The following RGPD3 variants were observed in gnomAD, a reference collection of about 807,000 sequenced individuals.
RGPD3 encodes the protein ranBP2-like and GRIP domain-containing protein 3.
RGPD3 carries 62 observed loss-of-function variants against 154.5 expected under a neutral mutation model. The ratio of observed to expected loss-of-function variants is 0.40; its 90% CI spans 0.33 to 0.50. The LOEUF (loss-of-function observed/expected upper bound fraction) is 0.50. RGPD3 is among the 20% of genes least tolerant of loss of function. The probability of loss-of-function intolerance (pLI) is 0.59; values close to 1 mark genes in which losing one functional copy is unlikely to be tolerated. For missense variants in RGPD3, 919 were observed against 1,716.8 expected (o/e 0.54, Z 8.21); for synonymous variants, 308 against 607.0 (o/e 0.51, Z 7.24).
At chr2:106,468,161 G>A in intron 1 of RGPD3, 56 bp downstream of exon 1, 2 of 1,542,884 alleles carry the variant, frequency 1.3e-6, no homozygotes, top group Non-Finnish European at 8.8e-7. Context: ...GCCGGGCCGG[G>A]TCGAGGCCGC....
chr2:106,427,026 G>T (rs1171914013), intron 18 of RGPD3, among the ~76,000 whole-genome samples: 24 of 151,522 alleles, frequency 1.6e-4, no homozygotes, highest in African/African-American at 5.1e-4. Context: ...CTTGCAAGAT[G>T]TCTGTCTGCA....
rs1401758012 is a variant in RGPD3, at chr2:106,467,736, G to A, written c.72+481C>T. 5.4e-5 allele frequency among the ~76,000 whole-genome samples: 7 copies of A among 129,436 alleles called. No homozygotes were observed. In the East Asian group the frequency reaches 1.2e-3, roughly 22 times the overall value. 84.9% of individuals were successfully genotyped at this position (129,436 alleles called of 152,430 possible). On this transcript the variant is annotated intron_variant, in intron 1 of 22. Coordinates refer to ENST00000409886, the MANE Select transcript of RGPD3 (RefSeq NM_001144013.2). ...GTCGAGGCCGCCGCCTCAACAGAGC[G>A]CGCCAGGGAGCAGCGCCCGTCGGGA... is the stretch of plus-strand genomic sequence containing the variant.
chr2:106,467,825 C>G (rs1355795194), intron 1 of RGPD3, among the ~76,000 whole-genome samples: 1 of 137,516 alleles, frequency 7.3e-6, no homozygotes, highest in Non-Finnish European at 1.6e-5. Flanking sequence ...CTCAACAGAG[C>G]GCGCCAGGGA....
chr2:106,411,988 G>A (rs1426185195), intron 22 of RGPD3, among the ~76,000 whole-genome samples: 1 of 149,056 alleles, frequency 6.7e-6, no homozygotes, highest in Admixed American at 6.8e-5. Context: ...TTATTCACTG[G>A]GGAAAGAAAT....
At chr2:106,420,952 TTACA>T (rs1558837152) in intron 20 of RGPD3, among the ~76,000 whole-genome samples, 1 of 152,102 alleles carries the variant, frequency 6.6e-6, no homozygotes, top group Non-Finnish European at 1.5e-5. Flanking sequence ...CAATTTTAAA[TTACA>T]TACACAGGTT....
At chr2:106,449,231 G>A (rs1678033188) in intron 6 of RGPD3, among the ~76,000 whole-genome samples, 1 of 150,116 alleles carries the variant, frequency 6.7e-6, no homozygotes, top group African/African-American at 2.5e-5. Context: ...TTGGGAGGCT[G>A]AGGCGGGTGG....
chr2:106,468,490 T>G, upstream of RGPD3: 16 of 1,052,866 alleles, frequency 1.5e-5, no homozygotes, highest in South Asian at 2.4e-4. Flanking sequence ...GGCTGGGCTC[T>G]TGGCAGCACC....
At chr2:106,460,266 C>G (rs1159795058) in intron 1 of RGPD3, among the ~76,000 whole-genome samples, 1 of 147,986 alleles carries the variant, frequency 6.8e-6, no homozygotes, top group Non-Finnish European at 1.5e-5. Flanking sequence ...TCTCACTTAA[C>G]AAACAAAAGA....
chr2:106,448,971 C>A (rs953844490), intron 6 of RGPD3, among the ~76,000 whole-genome samples: 2 of 151,184 alleles, frequency 1.3e-5, no homozygotes, highest in Non-Finnish European at 1.5e-5. Context: ...GATTACAGGG[C>A]TGAGCCACCG....
At chr2:106,444,846 C>T (rs1257500380) in intron 7 of RGPD3, among the ~76,000 whole-genome samples, 20 of 139,264 alleles carry the variant, frequency 1.4e-4, no homozygotes, top group South Asian at 4.6e-4. Flanking sequence ...GTAGGCTGTG[C>T]GCAGTAGCTC....
intron 1 of RGPD3, among the ~76,000 whole-genome samples, chr2:106,465,694 G>T (rs1678551497): frequency 6.6e-6 from 1 of 151,302 alleles, no homozygotes; most frequent in South Asian, 2.1e-4. Flanking sequence ...GTTAAAAATT[G>T]CAAGCCATAC....
intron 1 of RGPD3, among the ~76,000 whole-genome samples, chr2:106,464,284 T>C (rs1208856985): frequency 7.0e-6 from 1 of 142,502 alleles, no homozygotes; most frequent in East Asian, 2.0e-4. Context: ...GAGTTTGCAG[T>C]GAGCCGAGAT....
chr2:106,435,536 G>A (rs1677518318), intron 12 of RGPD3, among the ~76,000 whole-genome samples: 1 of 144,648 alleles, frequency 6.9e-6, no homozygotes, highest in African/African-American at 2.6e-5. Flanking sequence ...CACCGTGTTA[G>A]CCAGGAATGA....
intron 20 of RGPD3, among the ~76,000 whole-genome samples, chr2:106,416,566 C>A (rs1304805309): frequency 5.7e-5 from 8 of 140,388 alleles, no homozygotes; most frequent in Middle Eastern, 3.5e-3. Context: ...GTTTCTACCC[C>A]ACGTGGTCAG....
Position 106,424,561 on chromosome 2 carries a change from C to A in RGPD3, c.3406G>T (p.Asp1136Tyr), listed in dbSNP as rs752806630. ...SDRAWMWSAS[D>Y]FSDGDAKLER... ...AGTTTGGCATCACCATCAGAGAAAT[C>A]ACTGGCTGACCACATCCATGCTCTA... is the stretch of plus-strand genomic sequence containing the variant. The change falls in exon 20 of 23, where the codon GAT (aspartate) becomes TAT (tyrosine). Residue 1136 changes from aspartate to tyrosine, a missense_variant. Physicochemically the swap from Asp to Tyr is radical, Grantham distance 160 (BLOSUM62 -3). Transcript: ENST00000409886. 1.4e-4 allele frequency: 218 copies of A among 1,610,112 alleles called. No individual in the cohort carries two copies. The highest frequency in any genetic ancestry group is 1.7e-4 in the Non-Finnish European group (205 of 1,179,726).
Position 106,425,122 on chromosome 2 carries a change from C to G in RGPD3, c.2845G>C (p.Ala949Pro), listed in dbSNP as rs549978350. 10 of 1,611,982 alleles carry G rather than the reference C, an allele frequency of 6.2e-6. No homozygotes were observed. In the East Asian group the frequency reaches 2.0e-4, roughly 32 times the overall value. ...KPLENDTGLQAQDISGRKKGR... is the reference protein window; with the variant it reads ...KPLENDTGLQPQDISGRKKGR... ...TTCTTCCGGCCACTAATATCCTGAG[C>G]CTGTAAGCCAGTATCATTTTCAAGA... The change falls in exon 20 of 23, where the codon GCT becomes CCT. Residue 949 changes from alanine (A) to proline (P), a missense_variant. By Grantham distance (27) the Ala-to-Pro change is conservative. Coordinates refer to ENST00000409886, the MANE Select transcript of RGPD3 (RefSeq NM_001144013.2).
At position 106,424,096 on chromosome 2, in the gene RGPD3, C is replaced by T; in HGVS notation, c.3871G>A (p.Gly1291Arg). The T allele has an allele frequency of 1.9e-6, 3 of 1,605,072 alleles. No homozygotes were observed. Among genetic ancestry groups the T allele is most frequent in the Non-Finnish European group, 2.6e-6 (3 of 1,175,412 alleles). ...GCAGATTTAAAACTGAAGTTAGATC[C>T]TGTTGTTGACTCATCAAAGTGGAAA... ...NLFHFDESTTGSNFSFKSALS... is the reference protein window; with the variant it reads ...NLFHFDESTTRSNFSFKSALS... The change falls in exon 20 of 23, where the codon GGA becomes AGA. Residue 1291 changes from glycine to arginine, a missense_variant. Coordinates refer to ENST00000409886, the MANE Select transcript of RGPD3 (RefSeq NM_001144013.2).
chr2:106,448,007 A>G (rs2104498468), intron 6 of RGPD3, among the ~76,000 whole-genome samples: 1 of 151,616 alleles, frequency 6.6e-6, no homozygotes, highest in East Asian at 2.0e-4. Context: ...AATTAGACAT[A>G]GCATTTCCAA....
intron 22 of RGPD3, among the ~76,000 whole-genome samples, chr2:106,412,161 G>A (rs1403150254): frequency 3.5e-5 from 5 of 144,608 alleles, no homozygotes; most frequent in South Asian, 2.4e-4. Context: ...AAACAAAAAC[G>A]AAACCATAAT....
Sources: allele counts gnomAD v4.1 joint callset (sites outside exome capture counted in the v4.1 genomes callset), GRCh38; gene constraint gnomAD v4.1.1; transcripts MANE v1.5; gene names NCBI Gene and HGNC (gene_info 2026-07-23, HGNC 2026-07-21).